The following PRKG1 variants were observed in gnomAD, a reference collection of about 807,000 sequenced individuals.
PRKG1 encodes the protein cGMP-dependent protein kinase 1.
In PRKG1, 35 loss-of-function variants were observed where a neutral mutation model predicts 88.1. The observed-to-expected ratio is 0.40, with a 90% confidence interval of 0.30 to 0.53. The LOEUF is 0.53. Among genes scored for constraint, PRKG1 ranks in the 20% least tolerant of loss-of-function variants. PRKG1 has a pLI of 0.59. For synonymous variants in PRKG1, 303 were observed against 292.5 expected (o/e 1.04, Z -0.37); for missense variants, 540 against 839.8 (o/e 0.64, Z 4.41).
intron 3 of PRKG1, among the ~76,000 whole-genome samples, chr10:51,566,872 C>A (rs1301153832): frequency 6.8e-5 from 10 of 146,782 alleles, no homozygotes; most frequent in Non-Finnish European, 3.0e-5. Flanking sequence ...ATTGGGAAGA[C>A]AAAAAAATAC....
Position 51,449,036 on chromosome 10 carries a change from C to T in PRKG1, c.479-18687C>T, listed in dbSNP as rs1181772197. On this transcript the variant is annotated intron_variant, in intron 2 of 17. Transcript: ENST00000373980. The stretch of plus-strand genomic sequence containing the variant: ...GAAAGAAAAATATGAATATAGAAAT[C>T]TCTATAAATGAATTTTTAAGCTACC... Among the ~76,000 whole-genome samples, 3 of 151,820 alleles carry T rather than the reference C, an allele frequency of 2.0e-5. No individual in the cohort carries two copies. The East Asian group carries it at 5.8e-4, about 29-fold the overall frequency.
intron 2 of PRKG1, among the ~76,000 whole-genome samples, chr10:51,334,300 T>C (rs1276256665): frequency 1.1e-4 from 17 of 152,104 alleles, no homozygotes. Context: ...CTCCAGGATA[T>C]ATATATTTTC....
At chr10:51,924,956 T>C (rs911439208) in intron 5 of PRKG1, among the ~76,000 whole-genome samples, 2 of 149,040 alleles carry the variant, frequency 1.3e-5, no homozygotes, top group African/African-American at 5.2e-5. Flanking sequence ...TGCCTAGTTT[T>C]TTTTTTTTCA....
intron 1 of PRKG1, among the ~76,000 whole-genome samples, chr10:51,135,863 A>T (rs1003670587): frequency 3.3e-5 from 5 of 151,244 alleles, no homozygotes; most frequent in Non-Finnish European, 7.4e-5. Flanking sequence ...AGTTGAGTTG[A>T]TAGATGAAGG....
At chr10:51,570,800 TC>T (rs1224141170) in intron 3 of PRKG1, among the ~76,000 whole-genome samples, 1 of 151,818 alleles carries the variant, frequency 6.6e-6, no homozygotes, top group Admixed American at 6.6e-5. Flanking sequence ...AGAAATGAGA[TC>T]ACTTCTTTTT....
intron 5 of PRKG1, among the ~76,000 whole-genome samples, chr10:51,920,795 T>C (rs917204152): frequency 6.6e-6 from 1 of 152,080 alleles, no homozygotes; most frequent in Admixed American, 6.6e-5. Flanking sequence ...AACATAACTT[T>C]TTTTTCTCAT....
At chr10:51,104,698 TTTTA>T (rs35238475) in intron 1 of PRKG1, among the ~76,000 whole-genome samples, 5,255 of 136,128 alleles carry the variant, frequency 0.039, 113 homozygotes, top group Middle Eastern at 0.053. Context: ...TTTATTTTTA[TTTTA>T]TTTATTTATT....
At chr10:52,136,996 T>A (rs1056980972) in intron 8 of PRKG1, among the ~76,000 whole-genome samples, 2 of 152,092 alleles carry the variant, frequency 1.3e-5, no homozygotes, top group African/African-American at 4.8e-5. Flanking sequence ...TTTTAAAAAA[T>A]GAAACTGTAA....
intron 2 of PRKG1, among the ~76,000 whole-genome samples, chr10:51,182,697 C>A (rs1837379479): frequency 6.6e-6 from 1 of 152,116 alleles, no homozygotes; most frequent in Admixed American, 6.6e-5. Context: ...TTAACAAAAT[C>A]TCAAGTGGCA....
At chr10:51,082,921 G>T (rs988820784) in intron 1 of PRKG1, among the ~76,000 whole-genome samples, 1 of 152,116 alleles carries the variant, frequency 6.6e-6, no homozygotes, top group African/African-American at 2.4e-5. Flanking sequence ...TGATTTAATT[G>T]CTCTGGGGTA....
intron 10 of PRKG1, among the ~76,000 whole-genome samples, chr10:52,269,926 G>T (rs1841673223): frequency 1.3e-5 from 2 of 152,094 alleles, no homozygotes; most frequent in Non-Finnish European, 2.9e-5. Flanking sequence ...CTGCAAGAGA[G>T]GCATGGCACA....
chr10:51,680,129 T>G (rs1840813676), intron 3 of PRKG1, among the ~76,000 whole-genome samples: 1 of 152,150 alleles, frequency 6.6e-6, no homozygotes, highest in Admixed American at 6.5e-5. Flanking sequence ...AGTATTGGGT[T>G]AGCCGCAGGC....
intron 2 of PRKG1, among the ~76,000 whole-genome samples, chr10:51,284,672 A>T (rs1480614856): frequency 1.3e-5 from 2 of 152,188 alleles, no homozygotes. Flanking sequence ...GCAAAAATAC[A>T]AATCAATATC....
At chr10:51,764,987 T>A (rs1043759074) in intron 3 of PRKG1, among the ~76,000 whole-genome samples, 2 of 152,230 alleles carry the variant, frequency 1.3e-5, no homozygotes, top group Admixed American at 6.5e-5. Context: ...TGATCATGGA[T>A]GTCTCAGCCT....
chr10:51,322,279 A>G (rs892157012), intron 2 of PRKG1, among the ~76,000 whole-genome samples: 1 of 152,224 alleles, frequency 6.6e-6, no homozygotes, highest in Non-Finnish European at 1.5e-5. Context: ...AAAAAAGTGC[A>G]TCTCTCATCC....
intron 7 of PRKG1, among the ~76,000 whole-genome samples, chr10:52,086,056 C>T (rs1846905426): frequency 6.6e-6 from 1 of 151,948 alleles, no homozygotes; most frequent in South Asian, 2.1e-4. Context: ...TGAAATATTG[C>T]TGAATTCATA....
chr10:52,113,169 A>G (rs1024994057), intron 7 of PRKG1, among the ~76,000 whole-genome samples: 2 of 152,236 alleles, frequency 1.3e-5, no homozygotes, highest in African/African-American at 4.8e-5. Flanking sequence ...CACTCAGTAC[A>G]TATTACTTAT....
intron 8 of PRKG1, among the ~76,000 whole-genome samples, chr10:52,141,343 A>T (rs1252382779): frequency 1.3e-5 from 2 of 152,160 alleles, no homozygotes; most frequent in African/African-American, 4.8e-5. Context: ...GTTTAAAGTC[A>T]TGGAAAGAGA....
At chr10:51,996,370 T>G (rs1844444227) in intron 5 of PRKG1, among the ~76,000 whole-genome samples, 1 of 142,682 alleles carries the variant, frequency 7.0e-6, no homozygotes, top group East Asian at 2.2e-4. Context: ...GAAAAATATC[T>G]GCAATCCACA....
Sources: allele counts gnomAD v4.1 joint callset (sites outside exome capture counted in the v4.1 genomes callset), GRCh38; gene constraint gnomAD v4.1.1; transcripts MANE v1.5; gene names NCBI Gene and HGNC (gene_info 2026-07-23, HGNC 2026-07-21).